OPCML: variants seen among roughly 807,000 people sequenced by gnomAD.
OPCML encodes the protein opioid-binding protein/cell adhesion molecule.
OPCML carries 13 observed loss-of-function variants against 37.8 expected under a neutral mutation model. The observed-to-expected ratio is 0.34, with a 90% CI of 0.22 to 0.55. The LOEUF is 0.55. Ranked by LOEUF, OPCML falls within the 20% of genes least tolerant of loss-of-function variation. The pLI, the probability that OPCML is intolerant of heterozygous loss-of-function variation, is 0.91. For missense variants in OPCML, 341 were observed against 435.6 expected, an observed-to-expected ratio of 0.78 and a Z score of 1.93; for synonymous variants, 176 against 168.8, an observed-to-expected ratio of 1.04 and a Z score of -0.33.
chr11:133,498,267 C>A (rs1405234995), intron 1 of OPCML, among the ~76,000 whole-genome samples: 1 of 152,174 alleles, frequency 6.6e-6, no homozygotes, highest in African/African-American at 2.4e-5. Context: ...CTGCTTTACT[C>A]CCTTCCAAAG....
In OPCML at chr11:132,667,877, A is replaced by G. The variant is rs537240051; in HGVS notation, c.147-10558T>C. On this transcript the variant is annotated intron_variant, in intron 2 of 7. Coordinates refer to ENST00000524381, the MANE Select transcript of OPCML (RefSeq NM_001012393.5). Reference sequence around the variant, plus strand: ...AGTTGGTGGTCAAGAATTTGTAGTGACAATATTCTGCTAGCTTTGAGAATA... The same window carrying G: ...AGTTGGTGGTCAAGAATTTGTAGTGGCAATATTCTGCTAGCTTTGAGAATA... Among the ~76,000 whole-genome samples, 457 of 152,374 alleles carry G rather than the reference A, an allele frequency of 3.0e-3. 3 individuals carry two copies. Among genetic ancestry groups the G allele is most frequent in the South Asian group, 5.0e-3 (24 of 4,826 alleles).
chr11:133,175,991 T>C lies in OPCML; in HGVS notation c.62-232981A>G, dbSNP rs114999827. On this transcript the variant is annotated intron_variant, in intron 1 of 7. Coordinates refer to ENST00000524381, the MANE Select transcript of OPCML (RefSeq NM_001012393.5). ...GTATTTTTTCAGACCTGGGTATGCA[T>C]GAGTGATACCCATGAAGCTTTATGA... Among the ~76,000 whole-genome samples the C allele has an allele frequency of 3.8e-3, 585 of 152,332 alleles. 4 individuals carry two copies. Among genetic ancestry groups the C allele is most frequent in the African/African-American group, 0.013 (556 of 41,578 alleles).
At chr11:132,690,380 T>A (rs1234481537) in intron 2 of OPCML, among the ~76,000 whole-genome samples, 2 of 152,342 alleles carry the variant, frequency 1.3e-5, no homozygotes, top group South Asian at 4.1e-4. Context: ...CTAACAAGAT[T>A]AGATAATGCT....
intron 1 of OPCML, among the ~76,000 whole-genome samples, chr11:133,041,403 C>G (rs1025378485): frequency 1.2e-4 from 18 of 152,182 alleles, no homozygotes; most frequent in African/African-American, 4.3e-4. Flanking sequence ...CCTCTCAATG[C>G]ATTTGCCTCT....
chr11:132,927,940 G>A (rs1372787247), intron 2 of OPCML, among the ~76,000 whole-genome samples: 2 of 151,702 alleles, frequency 1.3e-5, no homozygotes, highest in African/African-American at 4.8e-5. Flanking sequence ...AAATCATGGG[G>A]ATATAGCATA....
chr11:132,657,763 T>A (rs2135774916), intron 2 of OPCML, among the ~76,000 whole-genome samples: 1 of 152,250 alleles, frequency 6.6e-6, no homozygotes, highest in Non-Finnish European at 1.5e-5. Context: ...AAATTGAACA[T>A]ATTTACCTCC....
chr11:132,628,329 T>A (rs144594004), intron 3 of OPCML, among the ~76,000 whole-genome samples: 1 of 152,208 alleles, frequency 6.6e-6, no homozygotes, highest in Non-Finnish European at 1.5e-5. Flanking sequence ...GTTTGGAAAC[T>A]GTATGAAAAA....
At chr11:132,757,739 C>G (rs1946106436) in intron 2 of OPCML, among the ~76,000 whole-genome samples, 1 of 152,138 alleles carries the variant, frequency 6.6e-6, no homozygotes, top group African/African-American at 2.4e-5. Flanking sequence ...TTCTCCCATT[C>G]TGTAGGTTGC....
Position 133,052,095 on chromosome 11 carries a change from GT to G in OPCML, c.62-109086del, listed in dbSNP as rs532851094. On this transcript the variant is annotated intron_variant, in intron 1 of 7. Coordinates refer to ENST00000524381, the MANE Select transcript of OPCML (RefSeq NM_001012393.5). ...GATTTGAAGATTTTATACTAAGGCA[GT>G]TTTTTTCCCCCTTTGATTAAAATAC... Among the ~76,000 whole-genome samples, 360 of 152,244 alleles carry G rather than the reference GT, an allele frequency of 2.4e-3. 1 individual carries two copies. Among genetic ancestry groups the G allele is most frequent in the Non-Finnish European group, 4.0e-3 (274 of 68,010 alleles).
At chr11:133,410,492 T>C (rs1020503898) in intron 1 of OPCML, among the ~76,000 whole-genome samples, 1 of 151,924 alleles carries the variant, frequency 6.6e-6, no homozygotes, top group Non-Finnish European at 1.5e-5. Context: ...CTCTAGGTTA[T>C]AATTGCTCCC....
rs139516355 is a variant in OPCML, at chr11:133,254,256, G to A, written c.61+278008C>T. ...GAAAGGGGGAAGCACATTTTGGGCA[G>A]CAGGAAAGGCGATGCAGCCCCAGAA... On this transcript the variant is annotated intron_variant, in intron 1 of 7. Coordinates refer to ENST00000524381, the MANE Select transcript of OPCML (RefSeq NM_001012393.5). 3.9e-5 allele frequency among the ~76,000 whole-genome samples: 6 copies of A among 152,290 alleles called. No individual in the cohort carries two copies. In the East Asian group the frequency reaches 1.2e-3, roughly 29 times the overall value.
intron 1 of OPCML, among the ~76,000 whole-genome samples, chr11:133,074,558 G>T (rs1049055021): frequency 6.6e-6 from 1 of 150,834 alleles, no homozygotes; most frequent in Non-Finnish European, 1.5e-5. Context: ...GACTTCAGAG[G>T]TCCTTGAGGT....
rs182151984 is a variant in OPCML at position 133,173,369 on chromosome 11, G to A, written c.62-230359C>T. On this transcript the variant is annotated intron_variant, in intron 1 of 7. Transcript: ENST00000524381. The surrounding 1 kb of genome is among the most constrained non-coding windows in gnomAD (Gnocchi z 7.8). ...CTTGGAGTCTGAGACTCATAGAGAG[G>A]GTATCGATAGGAGTACAGATCCCAG... 1.3e-5 allele frequency among the ~76,000 whole-genome samples: 2 copies of A among 152,150 alleles called. No homozygotes were observed. The highest frequency in any genetic ancestry group is 2.9e-5 in the Non-Finnish European group (2 of 68,006).
At chr11:132,696,661 T>C (rs111470611) in intron 2 of OPCML, among the ~76,000 whole-genome samples, 2,951 of 152,180 alleles carry the variant, frequency 0.019, 84 homozygotes, top group African/African-American at 0.065. Flanking sequence ...AAGACCATGA[T>C]GGAAAGTATG....
intron 4 of OPCML, among the ~76,000 whole-genome samples, chr11:132,513,725 C>G (rs909164709): frequency 6.6e-6 from 1 of 152,118 alleles, no homozygotes; most frequent in African/African-American, 2.4e-5. Flanking sequence ...GCAGTCACCT[C>G]TTCCAGGATG....
intron 2 of OPCML, among the ~76,000 whole-genome samples, chr11:132,842,259 G>A (rs61906887): frequency 0.047 from 7,102 of 152,092 alleles, 210 homozygotes; most frequent in Middle Eastern, 0.078. Flanking sequence ...TTCCTCTCAC[G>A]CCGCACGTTC....
intron 3 of OPCML, among the ~76,000 whole-genome samples, chr11:132,609,464 C>A (rs1309280862): frequency 1.3e-5 from 2 of 152,062 alleles, no homozygotes; most frequent in Admixed American, 1.3e-4. Context: ...TCTCTGCCTA[C>A]CCTCATGCTC....
chr11:132,831,546 C>T (rs1473816127), intron 2 of OPCML, among the ~76,000 whole-genome samples: 2 of 152,116 alleles, frequency 1.3e-5, no homozygotes, highest in Non-Finnish European at 2.9e-5. Flanking sequence ...TTTCCCTCTA[C>T]TTAGACATAT....
chr11:132,953,695 C>T (rs374119254), intron 1 of OPCML, among the ~76,000 whole-genome samples: 26 of 152,254 alleles, frequency 1.7e-4, no homozygotes, highest in African/African-American at 6.0e-4. Flanking sequence ...TCCTTCCTCC[C>T]CAGAGAACCC....
Sources: allele counts gnomAD v4.1 joint callset (sites outside exome capture counted in the v4.1 genomes callset), GRCh38; gene constraint gnomAD v4.1.1; non-coding constraint Gnocchi (gnomAD v3.1); transcripts MANE v1.5; gene names NCBI Gene and HGNC (gene_info 2026-07-23, HGNC 2026-07-21).